PIK3C2G: variants seen among roughly 807,000 people sequenced by gnomAD.
PIK3C2G encodes phosphatidylinositol-4-phosphate 3-kinase catalytic subunit type 2 gamma, also known as phosphatidylinositol 3-kinase C2 domain-containing subunit gamma.
PIK3C2G carries 168 observed loss-of-function variants against 181.1 expected under a neutral mutation model. The observed-to-expected ratio is 0.93, with a 90% CI of 0.82 to 1.05. PIK3C2G has a LOEUF of 1.05. Ranked by LOEUF, PIK3C2G falls within the 50% of genes least tolerant of loss-of-function variation. PIK3C2G has a pLI of 0.00. For missense variants in PIK3C2G, 1,869 were observed against 1,732.8 expected, an observed-to-expected ratio of 1.08 and a Z score of -1.40; for synonymous variants, 573 against 592.2, an observed-to-expected ratio of 0.97 and a Z score of 0.47.
chr12:18,400,640 A>G (rs1014678372), intron 16 of PIK3C2G, among the ~76,000 whole-genome samples: 1 of 152,128 alleles, frequency 6.6e-6, no homozygotes, highest in Non-Finnish European at 1.5e-5. Context: ...CATGTAACCT[A>G]AACTGACTTT....
At chr12:18,420,676 T>C (rs1441775451) in intron 16 of PIK3C2G, among the ~76,000 whole-genome samples, 1 of 152,114 alleles carries the variant, frequency 6.6e-6, no homozygotes, top group African/African-American at 2.4e-5. Context: ...TAATCCACAT[T>C]TTATAGATAA....
At chr12:18,437,708 T>G (rs562822080) in intron 18 of PIK3C2G, among the ~76,000 whole-genome samples, 4 of 152,040 alleles carry the variant, frequency 2.6e-5, no homozygotes, top group African/African-American at 9.6e-5. Context: ...CAACTAAAAT[T>G]TATGATTATT....
At chr12:18,706,256 A>G in the PIK3C2G span, among the ~76,000 whole-genome samples, 1 of 151,716 alleles carries the variant, frequency 6.6e-6, no homozygotes, top group African/African-American at 2.4e-5. Flanking sequence ...AAAAAAAAAA[A>G]GAAGAAGACA....
chr12:18,292,654 A>G (rs1487752682), intron 4 of PIK3C2G, among the ~76,000 whole-genome samples: 2 of 152,200 alleles, frequency 1.3e-5, no homozygotes, highest in African/African-American at 4.8e-5. Context: ...GGATTATGAT[A>G]TGTGAATATG....
chr12:18,504,107 C>T (rs891682678), intron 23 of PIK3C2G, among the ~76,000 whole-genome samples: 1 of 152,098 alleles, frequency 6.6e-6, no homozygotes, highest in African/African-American at 2.4e-5. Flanking sequence ...TGGTACTATC[C>T]TGTGCACTGA....
At chr12:18,673,306 T>G in the PIK3C2G span, among the ~76,000 whole-genome samples, 4 of 152,142 alleles carry the variant, frequency 2.6e-5, no homozygotes, top group South Asian at 8.3e-4. Flanking sequence ...ACATTTGAAA[T>G]AGTATATAAG....
intron 20 of PIK3C2G, among the ~76,000 whole-genome samples, chr12:18,491,966 C>T (rs1031355455): frequency 9.2e-5 from 14 of 152,164 alleles, no homozygotes; most frequent in African/African-American, 3.4e-4. Context: ...TTAGCTACAA[C>T]ATTTCTATTT....
chr12:18,555,315 T>C (rs1427864440), intron 26 of PIK3C2G, among the ~76,000 whole-genome samples: 1 of 152,108 alleles, frequency 6.6e-6, no homozygotes, highest in African/African-American at 2.4e-5. Flanking sequence ...CAGCGAAAAA[T>C]GTTTGCCATT....
chr12:18,711,678 A>G, the PIK3C2G span, among the ~76,000 whole-genome samples: 425 of 151,974 alleles, frequency 2.8e-3, 1 homozygote, highest in African/African-American at 9.9e-3. Flanking sequence ...CATTGATGAG[A>G]TGGGGAAGAT....
intron 14 of PIK3C2G, among the ~76,000 whole-genome samples, chr12:18,388,277 TTTC>T (rs2138025377): frequency 6.6e-6 from 1 of 152,250 alleles, no homozygotes; most frequent in Non-Finnish European, 1.5e-5. Flanking sequence ...CTTTTCTTTT[TTTC>T]TTTTTTATGA....
intron 18 of PIK3C2G, among the ~76,000 whole-genome samples, chr12:18,445,589 A>G (rs1448647672): frequency 6.6e-6 from 1 of 152,146 alleles, no homozygotes; most frequent in East Asian, 1.9e-4. Context: ...TTAAATGCTA[A>G]TTACAGATCT....
chr12:18,484,088 T>C (rs1939811345), intron 18 of PIK3C2G, among the ~76,000 whole-genome samples: 1 of 152,202 alleles, frequency 6.6e-6, no homozygotes, highest in Admixed American at 6.5e-5. Context: ...ATAGGTTTCA[T>C]CCAGTCACAT....
At chr12:18,253,921 C>T (rs2136961861) in intron 1 of PIK3C2G, among the ~76,000 whole-genome samples, 1 of 149,998 alleles carries the variant, frequency 6.7e-6, no homozygotes, top group Non-Finnish European at 1.5e-5. Flanking sequence ...CCTCAGATTG[C>T]ATGTTTCAGT....
rs780601851 is a variant in PIK3C2G at position 18,338,520 on chromosome 12, TAA to T, written c.1368_1369del (p.Leu458AsnfsTer27). 2 of 1,591,888 alleles carry T rather than the reference TAA, an allele frequency of 1.3e-6. No homozygotes were observed. Among genetic ancestry groups the T allele is most frequent in the Admixed American group, 1.7e-5 (1 of 59,856 alleles). On this transcript the variant is annotated frameshift_variant, in exon 9 of 33. Coordinates refer to ENST00000538779, the MANE Select transcript of PIK3C2G (RefSeq NM_001288772.2). LOFTEE classifies it high-confidence loss of function. ...CAAATTACAGATGCAGTAAATGAACTAAGTCTAATTCTTCAGAGAAAAGGAGA... is the reference window on the plus strand; with the variant it reads ...CAAATTACAGATGCAGTAAATGAACTGTCTAATTCTTCAGAGAAAAGGAGA...
intron 5 of PIK3C2G, among the ~76,000 whole-genome samples, chr12:18,309,553 T>G (rs1950556472): frequency 6.6e-6 from 1 of 151,800 alleles, no homozygotes. Flanking sequence ...AAAAGTTACT[T>G]CTTTATTTTG....
the PIK3C2G span, among the ~76,000 whole-genome samples, chr12:18,661,816 C>G: frequency 2.0e-5 from 3 of 152,026 alleles, no homozygotes; most frequent in Admixed American, 6.6e-5. Context: ...ATAAATTGTT[C>G]TACCGTTGTA....
intron 24 of PIK3C2G, among the ~76,000 whole-genome samples, chr12:18,536,989 T>C (rs985252799): frequency 7.2e-5 from 11 of 152,154 alleles, no homozygotes; most frequent in Non-Finnish European, 1.2e-4. Flanking sequence ...CAAAATAAAG[T>C]TTCTAAATAA....
intron 29 of PIK3C2G, among the ~76,000 whole-genome samples, chr12:18,580,267 A>T (rs796607951): frequency 6.6e-6 from 1 of 152,210 alleles, no homozygotes; most frequent in Non-Finnish European, 1.5e-5. Context: ...GTTTTTAAAA[A>T]TTTTAAAGCC....
intron 26 of PIK3C2G, among the ~76,000 whole-genome samples, chr12:18,555,561 A>G (rs184018002): frequency 6.6e-6 from 1 of 152,252 alleles, no homozygotes; most frequent in East Asian, 1.9e-4. Context: ...TGTATTATGA[A>G]GTAGAATACA....
Sources: allele counts gnomAD v4.1 joint callset (sites outside exome capture counted in the v4.1 genomes callset), GRCh38; gene constraint gnomAD v4.1.1; transcripts MANE v1.5; gene names NCBI Gene and HGNC (gene_info 2026-07-23, HGNC 2026-07-21).